FADS2: variants seen among roughly 807,000 people sequenced by gnomAD.
The protein encoded by FADS2 is acyl-CoA 6-desaturase.
Under a neutral mutation model 61.2 loss-of-function variants are expected in FADS2, and 18 were observed. The observed-to-expected ratio is 0.29, with a 90% CI of 0.20 to 0.44. The LOEUF is 0.44. FADS2 is among the 20% of genes least tolerant of loss of function. The pLI is 1.00. For missense variants in FADS2, 322 were observed against 572.7 expected, an observed-to-expected ratio of 0.56 and a Z score of 4.47; for synonymous variants, 203 against 223.9, an observed-to-expected ratio of 0.91 and a Z score of 0.83.
Position 61,863,323 on chromosome 11 carries a change from A to T in FADS2, c.1022A>T (p.Asn341Ile), listed in dbSNP as rs745742269. 8 of 1,614,098 alleles carry T rather than the reference A, an allele frequency of 5.0e-6. No individual in the cohort carries two copies. The change falls in exon 9 of 12, where the codon AAT becomes ATT. Residue 341 changes from asparagine (N) to isoleucine (I), a missense_variant. Asn to Ile is a moderately radical substitution (Grantham distance 149). Coordinates refer to ENST00000278840, the MANE Select transcript of FADS2 (RefSeq NM_004265.4). ...TGGTTTGTGTGGGTCACACAGATGA[A>T]TCACATCGTCATGGAGATTGACCAG... is the stretch of plus-strand genomic sequence containing the variant. ...SHWFVWVTQM[N>I]HIVMEIDQEA...
Position 61,828,387 on chromosome 11 carries a change from C to G in FADS2, c.-4C>G. On this transcript the variant is annotated 5_prime_UTR_variant, in exon 1 of 12. Coordinates refer to ENST00000278840, the MANE Select transcript of FADS2 (RefSeq NM_004265.4). This position sits in a 1 kb window ranked among gnomAD's most constrained non-coding sequence, Gnocchi z 6.4. ...TGCACGGGGCGTCACAGTCGGCAGG[C>G]AGCATGGGGAAGGGAGGGAACCAGG... The G allele has an allele frequency of 6.4e-6, 10 of 1,557,492 alleles. No homozygotes were observed. Among genetic ancestry groups the G allele is most frequent in the Non-Finnish European group, 8.7e-6 (10 of 1,151,222 alleles).
chr11:61,838,742 G>A (rs1329001085), intron 2 of FADS2, among the ~76,000 whole-genome samples: 1 of 152,120 alleles, frequency 6.6e-6, no homozygotes, highest in Non-Finnish European at 1.5e-5. Flanking sequence ...GCCCTCCATG[G>A]CACATGAGAT....
chr11:61,852,481 G>A (rs1425229411), intron 5 of FADS2, among the ~76,000 whole-genome samples: 5 of 152,032 alleles, frequency 3.3e-5, no homozygotes, highest in Non-Finnish European at 7.4e-5. Context: ...GGCTGGTCTC[G>A]AACTCCTGAC....
At chr11:61,857,260 G>T (rs1156620212) in intron 6 of FADS2, among the ~76,000 whole-genome samples, 189 bp downstream of exon 6, 2 of 152,128 alleles carry the variant, frequency 1.3e-5, no homozygotes, top group Admixed American at 6.5e-5. Flanking sequence ...GGACACAGAG[G>T]CTCAGAGAGT....
upstream of FADS2, among the ~76,000 whole-genome samples, chr11:61,825,519 G>A (rs11230802): frequency 2.0e-5 from 3 of 151,874 alleles, no homozygotes; most frequent in Non-Finnish European, 4.4e-5. Context: ...TCAGGAGGCT[G>A]AGGCAGTAGA....
chr11:61,824,057 C>T (rs2067050908), upstream of FADS2, among the ~76,000 whole-genome samples: 1 of 151,954 alleles, frequency 6.6e-6, no homozygotes, highest in African/African-American at 2.4e-5. Context: ...TCCTTTGAGC[C>T]TCGTTATTAA....
intron 1 of FADS2, among the ~76,000 whole-genome samples, chr11:61,822,509 G>C (rs1209335990): frequency 6.6e-6 from 1 of 152,150 alleles, no homozygotes; most frequent in Non-Finnish European, 1.5e-5. Flanking sequence ...AGAGGAGAAG[G>C]CTGTTGTCCT....
intron 4 of FADS2, among the ~76,000 whole-genome samples, chr11:61,843,651 G>A (rs1591171596): frequency 6.6e-6 from 1 of 152,094 alleles, no homozygotes; most frequent in African/African-American, 2.4e-5. Context: ...ATGTTTTAAT[G>A]CAATGTGGTT....
Position 61,865,680 on chromosome 11 carries a change from T to G in FADS2, c.1326T>G (p.Leu442=). The change falls in exon 12 of 12, where the codon CTT becomes CTG. Residue 442 remains leucine, a synonymous_variant. Coordinates refer to ENST00000278840, the MANE Select transcript of FADS2 (RefSeq NM_004265.4). The surrounding 1 kb of genome is among the most constrained non-coding windows in gnomAD (Gnocchi z 4.1). ...GGAAGCTGTGGCTGGACGCCTACCT[T>G]CACAAATGAAGCCACAGCCCCCGGG... is the stretch of plus-strand genomic sequence containing the variant. ...KSGKLWLDAY[L]HK The G allele has an allele frequency of 6.2e-7, 1 of 1,611,872 alleles. No individual in the cohort carries two copies.
At chr11:61,841,890 C>G (rs966085931) in intron 4 of FADS2, among the ~76,000 whole-genome samples, 3 of 152,188 alleles carry the variant, frequency 2.0e-5, no homozygotes, top group Non-Finnish European at 4.4e-5. Flanking sequence ...ACTCTCACCT[C>G]CCCCTAGATA....
chr11:61,821,266 T>A (rs2067034389), intron 1 of FADS2: 1 of 616,282 alleles, frequency 1.6e-6, no homozygotes, highest in Non-Finnish European at 2.9e-6. Context: ...GTGCCTATAA[T>A]CCCAGTGCTT....
chr11:61,839,611 TA>T (rs1433487254), intron 2 of FADS2, among the ~76,000 whole-genome samples: 2 of 152,198 alleles, frequency 1.3e-5, no homozygotes, highest in Non-Finnish European at 2.9e-5. Flanking sequence ...TTTTCTTTTT[TA>T]AAAAAGTGTG....
chr11:61,859,048 C>G (rs2135977351), intron 7 of FADS2, among the ~76,000 whole-genome samples: 1 of 152,132 alleles, frequency 6.6e-6, no homozygotes, highest in South Asian at 2.1e-4. Flanking sequence ...TTATTGATTA[C>G]TGTTTTTTGT....
chr11:61,863,846 C>A (rs1591182590), intron 10 of FADS2, 60 bp downstream of exon 10: 1 of 1,322,780 alleles, frequency 7.6e-7, no homozygotes, highest in Non-Finnish European at 1.1e-6. Context: ...TGGCCGCTAT[C>A]CCACTGGGCA....
chr11:61,829,304 GGAT>G (rs2067108659), intron 1 of FADS2: 1 of 152,336 alleles, frequency 6.6e-6, no homozygotes, highest in African/African-American at 2.4e-5. Context: ...TTGAGCCGGT[GGAT>G]TTAGCAGCAC....
chr11:61,858,178 A>T (rs908369668), intron 7 of FADS2, among the ~76,000 whole-genome samples: 1 of 152,080 alleles, frequency 6.6e-6, no homozygotes, highest in Non-Finnish European at 1.5e-5. Context: ...TCTTTAAAAA[A>T]ATTATTTTGT....
intron 5 of FADS2, among the ~76,000 whole-genome samples, chr11:61,853,563 C>T (rs1400620193): frequency 1.3e-5 from 2 of 151,958 alleles, no homozygotes; most frequent in East Asian, 1.9e-4. Context: ...CCTCAGAAGC[C>T]GTGCGGTGCC....
chr11:61,845,899 A>C (rs2067254621), intron 4 of FADS2, among the ~76,000 whole-genome samples: 1 of 151,730 alleles, frequency 6.6e-6, no homozygotes, highest in Admixed American at 6.6e-5. Flanking sequence ...TGCCCACCTC[A>C]CTGCCTCCTT....
intron 9 of FADS2, 78 bp downstream of exon 9, chr11:61,863,456 C>G: frequency 8.5e-7 from 1 of 1,173,094 alleles, no homozygotes; most frequent in South Asian, 1.2e-5. Flanking sequence ...CACCTGCTAA[C>G]ACAGGGCTGT....
Sources: allele counts gnomAD v4.1 joint callset (sites outside exome capture counted in the v4.1 genomes callset), GRCh38; gene constraint gnomAD v4.1.1; non-coding constraint Gnocchi (gnomAD v3.1); transcripts MANE v1.5; gene names NCBI Gene and HGNC (gene_info 2026-07-23, HGNC 2026-07-21).